The following CSMD1 variants were observed in gnomAD, a reference collection of about 807,000 sequenced individuals.
The protein encoded by CSMD1 is CUB and Sushi multiple domains 1.
A neutral mutation model predicts 417.5 loss-of-function variants in CSMD1; 213 were observed. The ratio of observed to expected loss-of-function variants is 0.51; its 90% CI spans 0.46 to 0.57. The LOEUF is 0.57. Among genes scored for constraint, CSMD1 ranks in the 20% least tolerant of loss-of-function variants. CSMD1 has a pLI of 0.00. For missense variants in CSMD1, 6,923 were observed against 4,529.7 expected, an observed-to-expected ratio of 1.53 and a Z score of -15.17; for synonymous variants, 2,862 against 1,736.8, an observed-to-expected ratio of 1.65 and a Z score of -16.11.
chr8:4,159,641 C>T (rs557067457), intron 3 of CSMD1, among the ~76,000 whole-genome samples: 29 of 152,226 alleles, frequency 1.9e-4, no homozygotes, highest in African/African-American at 3.4e-4. Flanking sequence ...CAGGCTGGAG[C>T]ACAGTGGCGC....
intron 1 of CSMD1, among the ~76,000 whole-genome samples, chr8:4,708,744 A>G (rs1453143342): frequency 1.3e-5 from 2 of 152,156 alleles, no homozygotes; most frequent in Non-Finnish European, 2.9e-5. Context: ...ATTCATATAT[A>G]AAGTCCTAAC....
intron 3 of CSMD1, among the ~76,000 whole-genome samples, chr8:4,034,678 G>C (rs1037528703): frequency 6.6e-6 from 1 of 152,054 alleles, no homozygotes; most frequent in African/African-American, 2.4e-5. Flanking sequence ...GAAAGGGAGT[G>C]ATTAAAAAAA....
At chr8:3,982,411 T>A (rs911634195) in intron 5 of CSMD1, among the ~76,000 whole-genome samples, 28 of 151,750 alleles carry the variant, frequency 1.8e-4, no homozygotes, top group Middle Eastern at 3.5e-3. Context: ...AGCTAATATA[T>A]GGAAAGCACA....
At chr8:4,405,723 A>G (rs951531828) in intron 3 of CSMD1, among the ~76,000 whole-genome samples, 2 of 152,172 alleles carry the variant, frequency 1.3e-5, no homozygotes, top group African/African-American at 2.4e-5. Flanking sequence ...TTATGAAACC[A>G]TCTTTGAAGT....
chr8:4,863,077 T>C (rs2116881482), intron 1 of CSMD1, among the ~76,000 whole-genome samples: 1 of 152,196 alleles, frequency 6.6e-6, no homozygotes, highest in Non-Finnish European at 1.5e-5. Flanking sequence ...TGGTGAACAC[T>C]GTTATAGTAG....
intron 4 of CSMD1, among the ~76,000 whole-genome samples, chr8:4,026,935 C>G (rs1797093397): frequency 6.6e-6 from 1 of 152,104 alleles, no homozygotes; most frequent in Non-Finnish European, 1.5e-5. Context: ...AACAAACAAA[C>G]AAACAAACAA....
intron 50 of CSMD1, among the ~76,000 whole-genome samples, chr8:3,047,276 G>A (rs77646444): frequency 6.7e-6 from 1 of 149,102 alleles, no homozygotes; most frequent in Non-Finnish European, 1.5e-5. Context: ...GCCAGGCCAA[G>A]TTCTCGCCCC....
chr8:4,081,181 G>T (rs1024370930), intron 3 of CSMD1, among the ~76,000 whole-genome samples: 1 of 152,096 alleles, frequency 6.6e-6, no homozygotes, highest in Non-Finnish European at 1.5e-5. Context: ...ATAAACTTCT[G>T]TTATTTATAA....
At chr8:4,582,326 C>G (rs910832088) in intron 2 of CSMD1, among the ~76,000 whole-genome samples, 1 of 152,072 alleles carries the variant, frequency 6.6e-6, no homozygotes, top group African/African-American at 2.4e-5. Flanking sequence ...CCTGCAGAGC[C>G]AAATTAGAAA....
intron 3 of CSMD1, among the ~76,000 whole-genome samples, chr8:4,330,036 A>C (rs1799779873): frequency 6.6e-6 from 1 of 152,158 alleles, no homozygotes. Context: ...TGAGCCAATT[A>C]AACCTCTTTT....
chr8:3,722,333 A>T lies in CSMD1; in HGVS notation c.932-13842T>A, dbSNP rs554192678. 1.2e-3 allele frequency among the ~76,000 whole-genome samples: 185 copies of T among 152,316 alleles called. 1 individual carries two copies. Among genetic ancestry groups the T allele is most frequent in the African/African-American group, 4.2e-3 (173 of 41,570 alleles). On this transcript the variant is annotated intron_variant, in intron 6 of 69. Transcript: ENST00000635120. ...AAATAAATAAATAAATAGATATAAT[A>T]GCTTGAGCTTTCATAAAATCTAAGA...
chr8:3,615,722 G>A (rs556171205), intron 8 of CSMD1, among the ~76,000 whole-genome samples: 2 of 152,110 alleles, frequency 1.3e-5, no homozygotes, highest in South Asian at 4.2e-4. Context: ...TCCATTTGTA[G>A]CCCACTTCAG....
chr8:4,912,146 G>GA (rs1476602704), intron 1 of CSMD1, among the ~76,000 whole-genome samples: 1 of 75,648 alleles, frequency 1.3e-5, no homozygotes, highest in Non-Finnish European at 3.1e-5. Context: ...AAAAAAGAAA[G>GA]AAAGAAAAGA....
chr8:2,999,447 C>T (rs1360989023), intron 53 of CSMD1, among the ~76,000 whole-genome samples: 2 of 152,132 alleles, frequency 1.3e-5, no homozygotes, highest in African/African-American at 4.8e-5. Context: ...AGCCACCACG[C>T]CTGGCCAATT....
intron 3 of CSMD1, among the ~76,000 whole-genome samples, chr8:4,104,790 T>C (rs1036883128): frequency 2.0e-5 from 3 of 152,192 alleles, no homozygotes; most frequent in Non-Finnish European, 1.5e-5. Flanking sequence ...TGCTGGCTAT[T>C]TGCTGACCTT....
At chr8:3,229,341 C>T (rs992841623) in intron 27 of CSMD1, among the ~76,000 whole-genome samples, 1 of 152,106 alleles carries the variant, frequency 6.6e-6, no homozygotes, top group Non-Finnish European at 1.5e-5. Flanking sequence ...AGATGATATA[C>T]TCTAAGTACG....
At chr8:4,860,087 A>AATGATGAG (rs1475796984) in intron 1 of CSMD1, among the ~76,000 whole-genome samples, 109 of 152,182 alleles carry the variant, frequency 7.2e-4, no homozygotes, top group African/African-American at 2.5e-3. Context: ...GCCATAAAAA[A>AATGATGAG]ATGATGAGTT....
At chr8:3,523,466 G>C (rs17322855) in intron 10 of CSMD1, among the ~76,000 whole-genome samples, 9,275 of 152,214 alleles carry the variant, frequency 0.061, 373 homozygotes, top group Non-Finnish European at 0.076. Context: ...GGTGCCTAAA[G>C]TCCAATTCGC....
chr8:3,546,107 G>T (rs952237317), intron 10 of CSMD1, among the ~76,000 whole-genome samples: 1 of 152,128 alleles, frequency 6.6e-6, no homozygotes, highest in Admixed American at 6.5e-5. Context: ...TAAAATCCAA[G>T]AAAATATGTT....
Sources: gnomAD v4.1 joint callset for allele counts (sites outside exome capture counted in the v4.1 genomes callset) on GRCh38, gnomAD v4.1.1 for gene constraint, MANE v1.5 for transcripts, NCBI Gene and HGNC (gene_info 2026-07-23, HGNC 2026-07-21) for gene names.